Variants in CYLC1 observed in about 807,000 individuals in gnomAD.
CYLC1 encodes the protein cylicin 1.
In CYLC1, 2 loss-of-function variants were observed where a neutral mutation model predicts 31.6. That is an observed-to-expected ratio of 0.06 (90% CI 0.03 to 0.20). The LOEUF is 0.20. CYLC1 is among the 10% of genes least tolerant of loss of function. The pLI is 1.00. For synonymous variants in CYLC1, 185 were observed against 153.0 expected (o/e 1.21, Z -1.54); for missense variants, 595 against 424.1 (o/e 1.40, Z -3.54).
At chrX:83,876,742 G>C (rs1039300335) in intron 4 of CYLC1, among the ~76,000 whole-genome samples, 9 of 110,555 alleles carry the variant, frequency 8.1e-5, no homozygotes, top group African/African-American at 3.0e-4. Flanking sequence ...TCACTTCTAT[G>C]ACTGTGCTCT....
At chrX:83,878,517 A>T (rs768381443) in intron 4 of CYLC1, among the ~76,000 whole-genome samples, 1 of 74,062 alleles carries the variant, frequency 1.4e-5, no homozygotes, top group Admixed American at 2.2e-4. Context: ...ATGTCCACAG[A>T]TTCAAAAACA....
chrX:83,876,363 A>C (rs2031758998), intron 4 of CYLC1, among the ~76,000 whole-genome samples: 1 of 111,089 alleles, frequency 9.0e-6, no homozygotes, highest in African/African-American at 3.3e-5. Flanking sequence ...CTGGGGAATA[A>C]TTTTTAAGAT....
chrX:83,882,612 T>G (rs1244014976), intron 4 of CYLC1, among the ~76,000 whole-genome samples: 1 of 111,002 alleles, frequency 9.0e-6, no homozygotes, highest in Non-Finnish European at 1.9e-5. Context: ...CTCCTACTAC[T>G]GTTTCCATAT....
chrX:83,886,451 A>T (rs1199643507), intron 4 of CYLC1, 101 bp from the exon 5 acceptor site: 2 of 762,146 alleles, frequency 2.6e-6, no homozygotes, highest in African/African-American at 4.2e-5. Context: ...CAACTATGAC[A>T]GTCTGTGCTT....
At chrX:83,875,657 G>T (rs947395915) in intron 4 of CYLC1, among the ~76,000 whole-genome samples, 3 of 111,355 alleles carry the variant, frequency 2.7e-5, no homozygotes, top group Non-Finnish European at 5.7e-5. Context: ...TTTCCACTGG[G>T]CTCCTCCCAC....
chrX:83,873,736 A>G lies in CYLC1; in HGVS notation c.1028A>G (p.Glu343Gly). ...TDAESGDSKD[E>G]RKDTKKDKKK... ...GCTGAATCTGGAGACTCAAAGGATG[A>G]AAGGAAAGATACAAAGAAGGATAAG... The change falls in exon 4 of 5, where the codon GAA becomes GGA. Residue 343 changes from glutamate (E) to glycine (G), a missense_variant. By Grantham distance (98) the Glu-to-Gly change is moderately conservative. Coordinates refer to ENST00000329312, the MANE Select transcript of CYLC1 (RefSeq NM_021118.3). 1.7e-6 allele frequency: 2 copies of G among 1,192,113 alleles called. No homozygotes were observed. The highest frequency in any genetic ancestry group is 3.0e-5 in the East Asian group (1 of 33,603).
chrX:83,861,954 T>G (rs2031513363), intron 1 of CYLC1, among the ~76,000 whole-genome samples: 2 of 111,314 alleles, frequency 1.8e-5, no homozygotes, highest in Admixed American at 1.9e-4. Context: ...GTAAAGTCTA[T>G]GAAAAAAATT....
intron 4 of CYLC1, among the ~76,000 whole-genome samples, chrX:83,877,944 T>A (rs867332152): frequency 1.4e-5 from 1 of 70,722 alleles, no homozygotes; most frequent in Non-Finnish European, 2.5e-5. Flanking sequence ...ATATATATAT[T>A]TGTATATAAA....
At chrX:83,886,044 C>T (rs1286146009) in intron 4 of CYLC1, among the ~76,000 whole-genome samples, 3 of 110,865 alleles carry the variant, frequency 2.7e-5, no homozygotes, top group Non-Finnish European at 5.7e-5. Context: ...CAGAAATCTT[C>T]ATTTTTGTGG....
intron 4 of CYLC1, among the ~76,000 whole-genome samples, chrX:83,880,476 A>G (rs1203310499): frequency 9.0e-6 from 1 of 111,638 alleles, no homozygotes; most frequent in Non-Finnish European, 1.9e-5. Flanking sequence ...CAGAAGTCCC[A>G]TGCAAGTTGT....
At chrX:83,876,960 T>C (rs1056683058) in intron 4 of CYLC1, among the ~76,000 whole-genome samples, 1 of 111,035 alleles carries the variant, frequency 9.0e-6, no homozygotes, top group Non-Finnish European at 1.9e-5. Context: ...TATGACCTTC[T>C]AATTGAGCTC....
intron 4 of CYLC1, among the ~76,000 whole-genome samples, chrX:83,877,920 A>ATATATATAAATATATATATATATATTTG (rs1475752371): frequency 0.026 from 2,058 of 80,634 alleles, 304 homozygotes; most frequent in East Asian, 0.14. Context: ...ATATATATAT[A>ATATATATAAATATATATATATATATTTG]TATATAAATA....
At position 83,873,320 on chromosome X, in the gene CYLC1, G is replaced by T. The variant is rs1464395911; in HGVS notation, c.612G>T (p.Lys204Asn). ...CACAAAAAGATAAGAAAGATTCAAAGAATTCCAAGAAGACAAACACTGAAT... is the reference window on the plus strand; with the variant it reads ...CACAAAAAGATAAGAAAGATTCAAATAATTCCAAGAAGACAAACACTGAAT... ...NCSQKDKKDS[K>N]NSKKTNTEFL... The change falls in exon 4 of 5, where the codon AAG becomes AAT. Residue 204 changes from lysine (K) to asparagine (N), a missense_variant. By Grantham distance (94) the Lys-to-Asn change is moderately conservative (BLOSUM62 0). Transcript: ENST00000329312. 3 of 1,202,661 alleles carry T rather than the reference G, an allele frequency of 2.5e-6. No homozygotes were observed. In the Admixed American group the frequency reaches 6.7e-5, roughly 27 times the overall value.
chrX:83,876,595 C>T (rs1211248013), intron 4 of CYLC1, among the ~76,000 whole-genome samples: 2 of 110,883 alleles, frequency 1.8e-5, no homozygotes, highest in Non-Finnish European at 3.8e-5. Context: ...CTCTACTACT[C>T]CACTGAAACT....
chrX:83,871,977 T>C (rs2031672182), intron 3 of CYLC1, among the ~76,000 whole-genome samples: 1 of 111,291 alleles, frequency 9.0e-6, no homozygotes, highest in Non-Finnish European at 1.9e-5. Context: ...AGTCGAGTTA[T>C]CCTATCAATT....
At chrX:83,861,227 G>A (rs751048731) in intron 1 of CYLC1, 28 bp downstream of exon 1, 1 of 1,108,979 alleles carries the variant, frequency 9.0e-7, no homozygotes, top group Non-Finnish European at 1.2e-6. Flanking sequence ...TATTTTTTTA[G>A]TATTTTAAAT....
At chrX:83,871,397 G>T (rs1378438762) in intron 2 of CYLC1, 55 bp from the exon 3 acceptor site, 1 of 862,162 alleles carries the variant, frequency 1.2e-6, no homozygotes, top group East Asian at 3.2e-5. Context: ...AATAATTCAG[G>T]TCTGTGGAAA....
At chrX:83,864,720 A>T (rs2074216116) in intron 1 of CYLC1, 1 of 318,505 alleles carries the variant, frequency 3.1e-6, no homozygotes, top group Admixed American at 3.3e-5. Context: ...CTTATTTCAG[A>T]TTTTTGTCCT....
At chrX:83,863,016 A>G (rs2031538034) in intron 1 of CYLC1, among the ~76,000 whole-genome samples, 1 of 111,419 alleles carries the variant, frequency 9.0e-6, no homozygotes, top group Non-Finnish European at 1.9e-5. Flanking sequence ...ATCAACTTAT[A>G]TCACCTGTGA....
Sources: allele counts gnomAD v4.1 joint callset (sites outside exome capture counted in the v4.1 genomes callset), GRCh38; gene constraint gnomAD v4.1.1; transcripts MANE v1.5; gene names NCBI Gene and HGNC (gene_info 2026-07-23, HGNC 2026-07-21).